Variants in CELA1 observed in about 807,000 individuals in gnomAD.
The protein encoded by CELA1 is chymotrypsin-like elastase family member 1.
A neutral mutation model predicts 34.8 loss-of-function variants in CELA1; 28 were observed. That is an observed-to-expected ratio of 0.80 (90% CI 0.60 to 1.10). CELA1 has a LOEUF of 1.10. CELA1 is among the 50% of genes least tolerant of loss of function. CELA1 has a pLI of 0.00. For synonymous variants in CELA1, 140 were observed against 129.8 expected (o/e 1.08, Z -0.53); for missense variants, 288 against 327.5 (o/e 0.88, Z 0.93).
At chr12:51,334,552 G>C (rs904128881) in intron 6 of CELA1, among the ~76,000 whole-genome samples, 1 of 152,010 alleles carries the variant, frequency 6.6e-6, no homozygotes, top group Non-Finnish European at 1.5e-5. Flanking sequence ...TCCTTCCTCA[G>C]CCTCCCGAGT....
intron 6 of CELA1, among the ~76,000 whole-genome samples, chr12:51,333,699 A>G (rs1946485005): frequency 6.6e-6 from 1 of 152,070 alleles, no homozygotes; most frequent in Admixed American, 6.6e-5. Context: ...AGTCAAGGGT[A>G]ATTACTTTAA....
intron 6 of CELA1, among the ~76,000 whole-genome samples, chr12:51,332,146 C>T (rs1480604605): frequency 6.7e-6 from 1 of 149,290 alleles, no homozygotes; most frequent in Non-Finnish European, 1.5e-5. Context: ...GATTGTGCTA[C>T]TGCACTCCAG....
chr12:51,341,310 GCAGAA>G lies in CELA1; in HGVS notation c.392_396del (p.Val131AlafsTer9). 1 of 1,614,142 alleles carries G rather than the reference GCAGAA, an allele frequency of 6.2e-7. No homozygotes were observed. Among genetic ancestry groups the G allele is most frequent in the Non-Finnish European group, 8.5e-7 (1 of 1,180,004 alleles). On this transcript the variant is annotated frameshift_variant, in exon 5 of 8. Coordinates refer to ENST00000293636, the MANE Select transcript of CELA1 (RefSeq NM_001971.6). LOFTEE classifies it high-confidence loss of function. ...TTAGCCAGGATGGCTCCCTCCTGGGGCAGAACACCCAGCTGGACATAGCTATTGAG... is the reference window on the plus strand; with the variant it reads ...TTAGCCAGGATGGCTCCCTCCTGGGGCACCCAGCTGGACATAGCTATTGAG...
chr12:51,340,136 G>C, intron 5 of CELA1, 131 bp from the exon 6 acceptor site: 1 of 737,736 alleles, frequency 1.4e-6, no homozygotes, highest in Non-Finnish European at 2.2e-6. Context: ...TCTCCCTGTT[G>C]CATGTGGTGG....
chr12:51,342,796 C>A, intron 3 of CELA1, 96 bp from the exon 4 acceptor site: 7 of 1,328,446 alleles, frequency 5.3e-6, no homozygotes, highest in African/African-American at 1.5e-5. Context: ...TTTTTTTAAT[C>A]ATTATTATTT....
At chr12:51,329,647 G>A in intron 7 of CELA1, 37 bp downstream of exon 7, 2 of 1,569,088 alleles carry the variant, frequency 1.3e-6, no homozygotes, top group South Asian at 1.2e-5. Flanking sequence ...AGGTCTCCAG[G>A]TGACCCCATT....
chr12:51,336,694 G>A (rs1946501349), intron 6 of CELA1, among the ~76,000 whole-genome samples: 1 of 152,160 alleles, frequency 6.6e-6, no homozygotes, highest in African/African-American at 2.4e-5. Context: ...TGGGATCTCA[G>A]ACAAAGGTTG....
chr12:51,341,099 ATAAT>A lies in CELA1; in HGVS notation c.463+141_463+144del. ...CTTCACAGCCCATTCTTAGCTTGAT[ATAAT>A]GCATCAGTTATTGTATCTATGGTTC... On this transcript the variant is annotated intron_variant, in intron 5 of 7. Coordinates refer to ENST00000293636, the MANE Select transcript of CELA1 (RefSeq NM_001971.6). The A allele has an allele frequency of 4.1e-6, 3 of 734,808 alleles. No homozygotes were observed. In the East Asian group the frequency reaches 7.7e-5, roughly 19 times the overall value. The allele number at this position is 734,808 out of a possible 1,614,324, so 45.5% of individuals were successfully genotyped here.
rs1555175035 is a variant in CELA1 at position 51,346,629 on chromosome 12, GGAC to G, written c.7_9del (p.Val3del). ...CTGGACCATATCCACTTACCATAAA[GGAC>G]CAGCATGTTGCCGATGGAGTAGACC... is the stretch of plus-strand genomic sequence containing the variant. On this transcript the variant is annotated inframe_deletion, in exon 1 of 8. Coordinates refer to ENST00000293636, the MANE Select transcript of CELA1 (RefSeq NM_001971.6). The G allele has an allele frequency of 6.8e-7, 1 of 1,475,960 alleles. No individual in the cohort carries two copies. Among genetic ancestry groups the G allele is most frequent in the Non-Finnish European group, 9.1e-7 (1 of 1,101,866 alleles). 91.4% of individuals were successfully genotyped at this position (1,475,960 alleles called of 1,614,324 possible). A position where few individuals can be genotyped will look rare whatever the true frequency, so the allele number is the denominator to read the frequency against.
chr12:51,341,421 C>G, intron 4 of CELA1, 41 bp from the exon 5 acceptor site: 1 of 1,611,916 alleles, frequency 6.2e-7, no homozygotes. Flanking sequence ...GGGATCAGCT[C>G]TTCCCTGAGG....
At chr12:51,332,164 GAC>G (rs1946473842) in intron 6 of CELA1, among the ~76,000 whole-genome samples, 1 of 147,562 alleles carries the variant, frequency 6.8e-6, no homozygotes, top group Non-Finnish European at 1.5e-5. Context: ...CAGCCTGGGT[GAC>G]AGAGTAAGAT....
chr12:51,338,241 A>G (rs1300870119), intron 6 of CELA1, among the ~76,000 whole-genome samples: 3 of 128,362 alleles, frequency 2.3e-5, no homozygotes, highest in Non-Finnish European at 3.2e-5. Context: ...CCATCTCAGG[A>G]AAAAAAAAAA....
At chr12:51,344,560 A>C (rs11616158) in intron 2 of CELA1, among the ~76,000 whole-genome samples, 35,382 of 151,770 alleles carry the variant, frequency 0.23, 4,610 homozygotes, top group Middle Eastern at 0.32. Context: ...GCGTGGTGGC[A>C]TGCACCTGTA....
At chr12:51,331,454 A>T (rs776133655) in intron 6 of CELA1, among the ~76,000 whole-genome samples, 1 of 152,224 alleles carries the variant, frequency 6.6e-6, no homozygotes, top group Non-Finnish European at 1.5e-5. Context: ...GCATACTACT[A>T]AACAACATTC....
intron 4 of CELA1, among the ~76,000 whole-genome samples, 155 bp downstream of exon 4, chr12:51,342,420 C>T (rs1282859222): frequency 1.3e-5 from 2 of 152,208 alleles, no homozygotes; most frequent in African/African-American, 4.8e-5. Flanking sequence ...TCAGGCTCAG[C>T]TGGGCTCCTT....
chr12:51,344,631 C>G (rs1231607509), intron 2 of CELA1, among the ~76,000 whole-genome samples: 1 of 151,710 alleles, frequency 6.6e-6, no homozygotes, highest in African/African-American at 2.4e-5. Context: ...GTGGAGGTTA[C>G]AGTGAGCTGA....
At chr12:51,338,495 C>A (rs934853530) in intron 6 of CELA1, among the ~76,000 whole-genome samples, 2 of 151,998 alleles carry the variant, frequency 1.3e-5, no homozygotes, top group African/African-American at 4.8e-5. Flanking sequence ...TCATGCCGTT[C>A]CCTCCCTCTG....
intron 6 of CELA1, among the ~76,000 whole-genome samples, chr12:51,333,881 T>C (rs946827584): frequency 2.0e-5 from 3 of 152,224 alleles, no homozygotes; most frequent in Admixed American, 2.0e-4. Context: ...TACTATTGTC[T>C]TGTGCTAATT....
At chr12:51,334,656 G>A (rs972158426) in intron 6 of CELA1, among the ~76,000 whole-genome samples, 9 of 152,202 alleles carry the variant, frequency 5.9e-5, no homozygotes, top group East Asian at 3.9e-4. Flanking sequence ...GGATGGTCTC[G>A]ATCTCCTGAC....
Sources: gnomAD v4.1 joint callset for allele counts (sites outside exome capture counted in the v4.1 genomes callset) on GRCh38, gnomAD v4.1.1 for gene constraint, MANE v1.5 for transcripts, NCBI Gene and HGNC (gene_info 2026-07-23, HGNC 2026-07-21) for gene names.